Variants in ADGRL2 observed in about 807,000 individuals in gnomAD.
ADGRL2 encodes the protein adhesion G protein-coupled receptor L2.
Under a neutral mutation model 157.4 loss-of-function variants are expected in ADGRL2, and 44 were observed. The ratio of observed to expected loss-of-function variants is 0.28; its 90% CI spans 0.22 to 0.36. ADGRL2 has a LOEUF of 0.36. ADGRL2 is among the 10% of genes least tolerant of loss of function. ADGRL2 has a pLI of 1.00. For missense variants in ADGRL2, 1,510 were observed against 1,768.9 expected (o/e 0.85, Z 2.63); for synonymous variants, 585 against 624.7 (o/e 0.94, Z 0.95).
At chr1:81,468,895 T>A (rs1269220830) in intron 2 of ADGRL2, among the ~76,000 whole-genome samples, 2 of 152,156 alleles carry the variant, frequency 1.3e-5, no homozygotes, top group African/African-American at 4.8e-5. Context: ...AAAAGTAAAC[T>A]GTGAGGGAGC....
At chr1:81,897,681 C>T (rs1379549420) in intron 2 of ADGRL2, among the ~76,000 whole-genome samples, 2 of 152,056 alleles carry the variant, frequency 1.3e-5, no homozygotes, top group South Asian at 2.1e-4. Flanking sequence ...TACCTTAGAG[C>T]ATCTAGAGTG....
chr1:81,642,113 T>C (rs1369018118), intron 3 of ADGRL2, among the ~76,000 whole-genome samples: 1 of 149,836 alleles, frequency 6.7e-6, no homozygotes, highest in Non-Finnish European at 1.5e-5. Context: ...CCAGGTGTGG[T>C]GGTGGGCACC....
intron 2 of ADGRL2, among the ~76,000 whole-genome samples, chr1:81,840,852 T>C (rs1191076761): frequency 6.6e-6 from 1 of 152,186 alleles, no homozygotes; most frequent in Non-Finnish European, 1.5e-5. Context: ...AGAGAACTAA[T>C]CTCAGATTCT....
At chr1:81,951,201 TA>T in intron 8 of ADGRL2, 80 bp downstream of exon 8, 1 of 942,240 alleles carries the variant, frequency 1.1e-6, no homozygotes. Context: ...CTTTGTGTGT[TA>T]AAACCAGCTT....
At chr1:81,489,729 G>A (rs1041695915) in intron 2 of ADGRL2, among the ~76,000 whole-genome samples, 3 of 152,152 alleles carry the variant, frequency 2.0e-5, no homozygotes, top group Non-Finnish European at 4.4e-5. Flanking sequence ...GTGGCTCATC[G>A]CATACAAGGG....
At chr1:81,643,059 T>C (rs1484048462) in intron 3 of ADGRL2, among the ~76,000 whole-genome samples, 1 of 152,102 alleles carries the variant, frequency 6.6e-6, no homozygotes, top group Non-Finnish European at 1.5e-5. Flanking sequence ...CTTTTCAATA[T>C]CATACTGAAA....
chr1:81,793,219 T>C (rs1285620283), intron 2 of ADGRL2, among the ~76,000 whole-genome samples: 1 of 151,992 alleles, frequency 6.6e-6, no homozygotes, highest in Non-Finnish European at 1.5e-5. Flanking sequence ...AAATATATAA[T>C]GTATAGCACT....
chr1:81,546,981 G>A (rs191634151), intron 2 of ADGRL2, among the ~76,000 whole-genome samples: 59 of 152,184 alleles, frequency 3.9e-4, no homozygotes, highest in African/African-American at 1.3e-3. Flanking sequence ...GTGTTTCAGG[G>A]CCCCAATAGC....
intron 3 of ADGRL2, among the ~76,000 whole-genome samples, chr1:81,636,472 A>G (rs371146060): frequency 6.6e-6 from 1 of 152,144 alleles, no homozygotes; most frequent in East Asian, 1.9e-4. Flanking sequence ...GGGAAAGTCT[A>G]AAAGCCTTCC....
intron 2 of ADGRL2, among the ~76,000 whole-genome samples, chr1:81,463,568 C>T (rs1351307367): frequency 6.6e-6 from 1 of 152,160 alleles, no homozygotes. Context: ...AGGAGGTTTT[C>T]CTCTGGCCTC....
chr1:81,353,026 A>C (rs1244565104), intron 1 of ADGRL2, among the ~76,000 whole-genome samples: 4 of 152,320 alleles, frequency 2.6e-5, no homozygotes, highest in Non-Finnish European at 1.5e-5. Context: ...ATAATATCTA[A>C]TGTATAATGA....
At chr1:81,802,624 G>C (rs1030348535) in intron 1 of ADGRL2, among the ~76,000 whole-genome samples, 2 of 152,098 alleles carry the variant, frequency 1.3e-5, no homozygotes, top group African/African-American at 4.8e-5. Flanking sequence ...CTTTCACTGG[G>C]GGCCTGGGGA....
At chr1:81,984,754 A>G in intron 20 of ADGRL2, 43 bp downstream of exon 20, 1 of 1,604,320 alleles carries the variant, frequency 6.2e-7, no homozygotes. Context: ...CCTTATTTAT[A>G]GAAAACCTAC....
chr1:81,936,056 A>T (rs1211869895), intron 3 of ADGRL2, among the ~76,000 whole-genome samples: 1 of 151,954 alleles, frequency 6.6e-6, no homozygotes, highest in Non-Finnish European at 1.5e-5. Context: ...TATGAATAGA[A>T]AGAGTAACAA....
chr1:81,740,778 C>A (rs1384430387), intron 1 of ADGRL2, among the ~76,000 whole-genome samples: 10 of 152,052 alleles, frequency 6.6e-5, no homozygotes, highest in Non-Finnish European at 1.5e-4. Context: ...GCCTTGGCTG[C>A]TATGAATAGA....
chr1:81,738,725 G>A (rs984915328), intron 1 of ADGRL2, among the ~76,000 whole-genome samples: 8 of 152,162 alleles, frequency 5.3e-5, no homozygotes, highest in African/African-American at 1.9e-4. Flanking sequence ...TCCTACCCCC[G>A]TTTTCCAGAT....
intron 2 of ADGRL2, among the ~76,000 whole-genome samples, chr1:81,843,305 G>A (rs185788838): frequency 3.8e-4 from 57 of 151,962 alleles, no homozygotes; most frequent in Middle Eastern, 6.8e-3. Flanking sequence ...GCTAATTTTT[G>A]TATTTTTAGT....
chr1:81,839,852 T>TATATATATATTTTCCATC (rs1557748468), intron 2 of ADGRL2, among the ~76,000 whole-genome samples: 1,594 of 14,226 alleles, frequency 0.11, 225 homozygotes, highest in African/African-American at 0.31. Flanking sequence ...TTTTCCATCA[T>TATATATATATTTTCCATC]ATATATATAT....
intron 1 of ADGRL2, among the ~76,000 whole-genome samples, chr1:81,401,411 T>C (rs1204980036): frequency 3.4e-5 from 3 of 88,850 alleles, no homozygotes; most frequent in African/African-American, 1.1e-4. Context: ...GAGAAGTTCC[T>C]CCTGGTTCCC....
Sources: allele counts gnomAD v4.1 joint callset (sites outside exome capture counted in the v4.1 genomes callset), GRCh38; gene constraint gnomAD v4.1.1; transcripts MANE v1.5; gene names NCBI Gene and HGNC (gene_info 2026-07-23, HGNC 2026-07-21).